The following ATXN7 variants were observed in gnomAD, a reference collection of about 807,000 sequenced individuals.
ATXN7 encodes the protein ataxin-7.
A neutral mutation model predicts 70.5 loss-of-function variants in ATXN7; 12 were observed. The ratio of observed to expected loss-of-function variants is 0.17; its 90% CI spans 0.11 to 0.28. ATXN7 has a LOEUF of 0.28. Ranked by LOEUF, ATXN7 falls within the 10% of genes least tolerant of loss-of-function variation. The pLI is 1.00. For missense variants in ATXN7, 1,256 were observed against 1,131.7 expected (o/e 1.11, Z -1.58); for synonymous variants, 498 against 448.7 (o/e 1.11, Z -1.39).
intron 4 of ATXN7, among the ~76,000 whole-genome samples, chr3:63,917,241 C>T (rs1033603283): frequency 1.3e-5 from 2 of 152,118 alleles, no homozygotes; most frequent in Admixed American, 6.5e-5. Context: ...AATGATTAAA[C>T]GTCAACCCTG....
chr3:63,873,170 C>T (rs1303130364), intron 1 of ATXN7, among the ~76,000 whole-genome samples: 1 of 152,014 alleles, frequency 6.6e-6, no homozygotes, highest in Non-Finnish European at 1.5e-5. Context: ...AATTTTATCC[C>T]CCCAATTTTT....
rs1026105661 is a variant in ATXN7, at chr3:63,864,508, T to G, written c.-111+350T>G. 7 of 152,060 alleles carry G rather than the reference T, an allele frequency of 4.6e-5. No homozygotes were observed. In the East Asian group the frequency reaches 1.2e-3, roughly 26 times the overall value. The allele number at this position is 152,060 out of a possible 1,614,324, so 9.4% of individuals were successfully genotyped here. A position where few individuals can be genotyped will look rare whatever the true frequency, so the allele number is the denominator to read the frequency against. On this transcript the variant is annotated intron_variant, in intron 1 of 12. Coordinates refer to ENST00000674280, the MANE Select transcript of ATXN7 (RefSeq NM_001377405.1). ...AGGCCCCGGGTTCCAGGTCGCGCGG[T>G]TCCGGCCCCTGCGGCCGCCCCCTTC...
intron 5 of ATXN7, among the ~76,000 whole-genome samples, chr3:63,962,010 A>C (rs963989424): frequency 6.6e-6 from 1 of 152,158 alleles, no homozygotes; most frequent in South Asian, 2.1e-4. Context: ...TGACCAGAAG[A>C]GGGAGTTTTT....
At chr3:63,963,153 C>G (rs1178853615) in intron 5 of ATXN7, among the ~76,000 whole-genome samples, 1 of 151,884 alleles carries the variant, frequency 6.6e-6, no homozygotes, top group African/African-American at 2.4e-5. Context: ...TGGGCTGAAG[C>G]AATCCACCTG....
chr3:63,989,722 A>T lies in ATXN7; in HGVS notation c.1362-454A>T, dbSNP rs940414685. Among the ~76,000 whole-genome samples the T allele has an allele frequency of 2.0e-5, 3 of 152,162 alleles. No individual in the cohort carries two copies. In the East Asian group the frequency reaches 5.8e-4, roughly 29 times the overall value. Reference sequence around the variant, plus strand: ...CATTTTATATCAGGCCACTTTGTACATTTGTGGATTTGCAGATTTTGCTAT... The same window carrying T: ...CATTTTATATCAGGCCACTTTGTACTTTTGTGGATTTGCAGATTTTGCTAT... On this transcript the variant is annotated intron_variant, in intron 9 of 12. Transcript: ENST00000674280.
At chr3:63,868,209 G>T (rs1349242833) in intron 1 of ATXN7, among the ~76,000 whole-genome samples, 1 of 152,174 alleles carries the variant, frequency 6.6e-6, no homozygotes, top group Non-Finnish European at 1.5e-5. Context: ...AAATGTGTTT[G>T]TGCCTTGGCA....
rs1254673950 is a variant in ATXN7, at chr3:63,999,945, G to A, written c.*478G>A. The A allele has an allele frequency of 5.6e-6, 1 of 179,038 alleles. No homozygotes were observed. Among genetic ancestry groups the A allele is most frequent in the East Asian group, 1.4e-4 (1 of 7,012 alleles). 11.1% of individuals were successfully genotyped at this position (179,038 alleles called of 1,614,324 possible). ...AGTTAGGCACCTTAACTGGAGACCA[G>A]AAACCTTCCAGAGAACACAGGGCTG... On this transcript the variant is annotated 3_prime_UTR_variant, in exon 13 of 13. Transcript: ENST00000674280.
intron 2 of ATXN7, among the ~76,000 whole-genome samples, chr3:63,903,386 CAAAAAAAAAAA>C (rs775558434): frequency 4.0e-5 from 2 of 49,588 alleles, no homozygotes; most frequent in Non-Finnish European, 7.8e-5. Context: ...GACTCCGTCT[CAAAAAAAAAAA>C]AAAAAAAAAA....
At chr3:63,986,142 C>T (rs1463021646) in intron 8 of ATXN7, among the ~76,000 whole-genome samples, 2 of 152,158 alleles carry the variant, frequency 1.3e-5, no homozygotes, top group Admixed American at 6.5e-5. Flanking sequence ...TGTGAAGGCT[C>T]TGTGACAGGG....
rs1361598158 is a variant in ATXN7 at position 63,946,252 on chromosome 3, G to GGCT, written c.395-6127_395-6126insGCT. Reference sequence around the variant, plus strand: ...AGGGTATGAGTAGGAGCCTAGCAGAGAGGGCATTGGGGCTAGTTCTTGTCG... The same window carrying GGCT: ...AGGGTATGAGTAGGAGCCTAGCAGAGGCTAGGGCATTGGGGCTAGTTCTTGTCG... On this transcript the variant is annotated intron_variant, in intron 4 of 12. Transcript: ENST00000674280. Among the ~76,000 whole-genome samples the GGCT allele has an allele frequency of 7.8e-4, 119 of 152,308 alleles. 3 individuals carry two copies. In the South Asian group the frequency reaches 0.023, roughly 29 times the overall value.
chr3:63,913,370 G>C, intron 4 of ATXN7, 145 bp downstream of exon 4: 1 of 870,936 alleles, frequency 1.1e-6, no homozygotes, highest in South Asian at 1.7e-5. Context: ...GGAGGGAGGG[G>C]GCAGAGCGCT....
chr3:63,963,305 A>G (rs1448790177), intron 5 of ATXN7, among the ~76,000 whole-genome samples: 1 of 152,094 alleles, frequency 6.6e-6, no homozygotes, highest in Non-Finnish European at 1.5e-5. Flanking sequence ...AGATTTTTTG[A>G]TTGGCATATG....
chr3:63,994,031 C>G (rs919972582), intron 11 of ATXN7, among the ~76,000 whole-genome samples: 33 of 152,176 alleles, frequency 2.2e-4, no homozygotes, highest in African/African-American at 7.0e-4. Flanking sequence ...AGCCTAGCCT[C>G]TCAATCTTGG....
chr3:63,992,570 C>G (rs1325369965), intron 11 of ATXN7, among the ~76,000 whole-genome samples: 1 of 152,072 alleles, frequency 6.6e-6, no homozygotes, highest in African/African-American at 2.4e-5. Context: ...TGGCTCATGA[C>G]CAACAGTTTG....
chr3:63,939,979 G>C (rs1196039218), intron 4 of ATXN7, among the ~76,000 whole-genome samples: 5 of 152,024 alleles, frequency 3.3e-5, no homozygotes, highest in Non-Finnish European at 5.9e-5. Flanking sequence ...AAAAAAATCA[G>C]CAGTGATTCT....
At chr3:63,947,614 G>C (rs1008637613) in intron 4 of ATXN7, among the ~76,000 whole-genome samples, 1 of 152,198 alleles carries the variant, frequency 6.6e-6, no homozygotes, top group South Asian at 2.1e-4. Flanking sequence ...AATTTGAAGA[G>C]ATTGTATAAC....
chr3:63,903,165 C>T (rs921404632), intron 2 of ATXN7, among the ~76,000 whole-genome samples: 4 of 151,828 alleles, frequency 2.6e-5, no homozygotes, highest in African/African-American at 4.8e-5. Flanking sequence ...GAGGCCGAGG[C>T]GGGAGGATCA....
intron 2 of ATXN7, among the ~76,000 whole-genome samples, chr3:63,899,675 G>A (rs1703558685): frequency 6.6e-6 from 1 of 151,764 alleles, no homozygotes; most frequent in Admixed American, 6.6e-5. Context: ...GTGCAGTGGC[G>A]CCATCTCGGC....
Position 63,912,684 on chromosome 3 carries a change from G to GGCAGCAGCAGCA in ATXN7, c.107_118dup (p.Gln36_Gln39dup), listed in dbSNP as rs193922929. ...GGCGGAGCAGCGGCCGCGGCCGCCC[G>GGCAGCAGCAGCA]GCAGCAGCAGCAGCAGCAGCAGCAG... On this transcript the variant is annotated inframe_insertion, in exon 3 of 13. Coordinates refer to ENST00000674280, the MANE Select transcript of ATXN7 (RefSeq NM_001377405.1). 3.5e-3 allele frequency: 3,816 copies of GGCAGCAGCAGCA among 1,087,064 alleles called. 13 individuals are homozygous for GGCAGCAGCAGCA. Among genetic ancestry groups the GGCAGCAGCAGCA allele is most frequent in the South Asian group, 9.3e-3 (231 of 24,728 alleles). The allele number at this position is 1,087,064 out of a possible 1,614,324, so 67.3% of individuals were successfully genotyped here. A position where few individuals can be genotyped will look rare whatever the true frequency, so the allele number is the denominator to read the frequency against.
Sources: gnomAD v4.1 joint callset for allele counts (sites outside exome capture counted in the v4.1 genomes callset) on GRCh38, gnomAD v4.1.1 for gene constraint, MANE v1.5 for transcripts, NCBI Gene and HGNC (gene_info 2026-07-23, HGNC 2026-07-21) for gene names.